DLGAP2: variants seen among roughly 807,000 people sequenced by gnomAD.
DLGAP2 encodes disks large-associated protein 2.
DLGAP2 carries 26 observed loss-of-function variants against 100.3 expected under a neutral mutation model. That is an observed-to-expected ratio of 0.26 (90% CI 0.19 to 0.36). The LOEUF is 0.36. Among genes scored for constraint, DLGAP2 ranks in the 10% least tolerant of loss-of-function variants. DLGAP2 has a pLI of 1.00. For missense variants in DLGAP2, 1,858 were observed against 1,453.2 expected (o/e 1.28, Z -4.53); for synonymous variants, 886 against 630.1 (o/e 1.41, Z -6.08).
chr8:948,327 G>A (rs1412543146), intron 2 of DLGAP2, among the ~76,000 whole-genome samples: 10 of 152,238 alleles, frequency 6.6e-5, no homozygotes, highest in East Asian at 5.8e-4. Flanking sequence ...GTCGCCTGCG[G>A]GCGTGAGGTC....
chr8:865,164 G>C (rs949462726), intron 1 of DLGAP2, among the ~76,000 whole-genome samples: 7 of 152,200 alleles, frequency 4.6e-5, no homozygotes, highest in African/African-American at 1.4e-4. Context: ...TGGCCCACCA[G>C]GACGACGGGT....
chr8:947,598 G>A (rs138172220), intron 2 of DLGAP2, among the ~76,000 whole-genome samples: 4 of 152,148 alleles, frequency 2.6e-5, no homozygotes, highest in South Asian at 2.1e-4. Flanking sequence ...CACACCAACC[G>A]GCCCAGGCCC....
intron 2 of DLGAP2, among the ~76,000 whole-genome samples, chr8:973,954 G>C (rs562226960): frequency 2.0e-5 from 3 of 151,456 alleles, no homozygotes; most frequent in Admixed American, 1.3e-4. Context: ...AGCTGCGCGC[G>C]CAGACCGGGC....
chr8:1,185,284 G>A (rs142135735), intron 2 of DLGAP2, among the ~76,000 whole-genome samples: 1 of 152,074 alleles, frequency 6.6e-6, no homozygotes, highest in African/African-American at 2.4e-5. Flanking sequence ...CAAACTTCAG[G>A]GCTGTGGTGC....
At chr8:1,667,795 C>T (rs973686371) in intron 8 of DLGAP2, among the ~76,000 whole-genome samples, 12 of 152,212 alleles carry the variant, frequency 7.9e-5, no homozygotes, top group African/African-American at 2.7e-4. Flanking sequence ...GATGACATGA[C>T]CTGCGTAGAA....
intron 6 of DLGAP2, among the ~76,000 whole-genome samples, chr8:1,599,855 C>T (rs933154934): frequency 2.0e-5 from 3 of 152,144 alleles, no homozygotes; most frequent in African/African-American, 7.2e-5. Flanking sequence ...TTAACTGGGA[C>T]ATTTAGCCTG....
chr8:1,051,436 C>T (rs1040611576), intron 2 of DLGAP2, among the ~76,000 whole-genome samples: 7 of 152,216 alleles, frequency 4.6e-5, no homozygotes, highest in Non-Finnish European at 8.8e-5. Flanking sequence ...GATCCAATAC[C>T]GTCAGCACGT....
At chr8:1,614,626 T>C (rs1483591286) in intron 6 of DLGAP2, among the ~76,000 whole-genome samples, 1 of 152,252 alleles carries the variant, frequency 6.6e-6, no homozygotes, top group Admixed American at 6.5e-5. Context: ...TGGCACAGCC[T>C]CTGCCTCTGC....
chr8:1,634,069 A>T (rs1461201005), intron 8 of DLGAP2, among the ~76,000 whole-genome samples: 1 of 152,230 alleles, frequency 6.6e-6, no homozygotes, highest in East Asian at 1.9e-4. Context: ...TGTAGAAAGT[A>T]TTTCATAGTA....
At chr8:772,794 G>A (rs973824858) in intron 1 of DLGAP2, among the ~76,000 whole-genome samples, 6 of 152,214 alleles carry the variant, frequency 3.9e-5, no homozygotes, top group Non-Finnish European at 8.8e-5. Flanking sequence ...GCTTCTTGTG[G>A]CATGCATGGA....
intron 3 of DLGAP2, among the ~76,000 whole-genome samples, chr8:1,439,455 C>G (rs1193034969): frequency 1.3e-5 from 2 of 152,282 alleles, no homozygotes; most frequent in African/African-American, 4.8e-5. Context: ...CGCAGCAGGA[C>G]CTGCTGCCCA....
At chr8:1,101,944 A>G (rs1804600438) in intron 2 of DLGAP2, among the ~76,000 whole-genome samples, 1 of 152,204 alleles carries the variant, frequency 6.6e-6, no homozygotes, top group African/African-American at 2.4e-5. Flanking sequence ...AACACCTAAG[A>G]CAGTCAAGAT....
intron 2 of DLGAP2, among the ~76,000 whole-genome samples, chr8:962,970 C>T (rs1488392803): frequency 2.6e-5 from 4 of 152,180 alleles, no homozygotes; most frequent in Non-Finnish European, 5.9e-5. Context: ...GTCTTAGGTT[C>T]GGGGTCCTCT....
chr8:1,191,901 G>A (rs1797648202), intron 2 of DLGAP2, among the ~76,000 whole-genome samples: 2 of 152,162 alleles, frequency 1.3e-5, no homozygotes, highest in African/African-American at 4.8e-5. Context: ...TGGCCCCTCT[G>A]AGCATGAAGC....
At chr8:1,613,437 A>T (rs559994408) in intron 6 of DLGAP2, among the ~76,000 whole-genome samples, 21 of 152,176 alleles carry the variant, frequency 1.4e-4, no homozygotes, top group Admixed American at 3.3e-4. Context: ...GATATACCTA[A>T]GGCTAGATGA....
At chr8:1,530,234 G>C (rs569285894) in intron 4 of DLGAP2, among the ~76,000 whole-genome samples, 1 of 152,204 alleles carries the variant, frequency 6.6e-6, no homozygotes. Context: ...CACCTGGGGG[G>C]GCTGTTTATA....
intron 2 of DLGAP2, among the ~76,000 whole-genome samples, chr8:1,124,016 C>T (rs960925845): frequency 2.9e-5 from 4 of 136,694 alleles, no homozygotes; most frequent in Admixed American, 1.4e-4. Context: ...GCGTGGTATT[C>T]TTAAAAAAAA....
At chr8:1,368,212 A>T (rs932766108) in intron 3 of DLGAP2, among the ~76,000 whole-genome samples, 1 of 151,608 alleles carries the variant, frequency 6.6e-6, no homozygotes, top group South Asian at 2.1e-4. Flanking sequence ...GTGTGTCCAT[A>T]TATCTGTGTG....
chr8:1,517,405 G>A (rs985954401), intron 4 of DLGAP2, among the ~76,000 whole-genome samples: 23 of 152,062 alleles, frequency 1.5e-4, no homozygotes, highest in Admixed American at 7.2e-4. Flanking sequence ...ACCCCTGGGC[G>A]CCCAGTGCTT....
Sources: allele counts gnomAD v4.1 joint callset (sites outside exome capture counted in the v4.1 genomes callset), GRCh38; gene constraint gnomAD v4.1.1; transcripts MANE v1.5; gene names NCBI Gene and HGNC (gene_info 2026-07-23, HGNC 2026-07-21).